ADCY9: variants seen among roughly 807,000 people sequenced by gnomAD.
The protein encoded by ADCY9 is adenylate cyclase 9, also known as adenylate cyclase type 9.
A neutral mutation model predicts 101.5 loss-of-function variants in ADCY9; 50 were observed. The ratio of observed to expected loss-of-function variants is 0.49; its 90% CI spans 0.39 to 0.62. The LOEUF (loss-of-function observed/expected upper bound fraction) is 0.62. Among genes scored for constraint, ADCY9 ranks in the 20% least tolerant of loss-of-function variants. The pLI is 0.00. For missense variants in ADCY9, 1,662 were observed against 1,800.4 expected, an observed-to-expected ratio of 0.92 and a Z score of 1.39; for synonymous variants, 905 against 769.3, an observed-to-expected ratio of 1.18 and a Z score of -2.92.
At chr16:4,069,746 G>C (rs988558053) in intron 2 of ADCY9, among the ~76,000 whole-genome samples, 1 of 152,130 alleles carries the variant, frequency 6.6e-6, no homozygotes, top group Non-Finnish European at 1.5e-5. Flanking sequence ...TAGAAGAAGT[G>C]AACCAGCAAC....
chr16:4,115,397 C>T lies in ADCY9; in HGVS notation c.46G>A (p.Glu16Lys). Reference sequence around the variant, plus strand: ...TCCCCGCTGGAGTCGCAGCTCACCTCGGTGCTGTGGTGATGCAGCAGCTGC... The same window carrying T: ...TCCCCGCTGGAGTCGCAGCTCACCTTGGTGCTGTGGTGATGCAGCAGCTGC... ...HQQLLHHHST[E>K]VSCDSSGDSN... The change falls in exon 2 of 11, where the codon GAG (glutamate) becomes AAG (lysine). Residue 16 changes from glutamate to lysine, a missense_variant. Coordinates refer to ENST00000294016, the MANE Select transcript of ADCY9 (RefSeq NM_001116.4). The surrounding 1 kb of genome is among the most constrained non-coding windows in gnomAD (Gnocchi z 6.2). The T allele has an allele frequency of 6.3e-7, 1 of 1,590,096 alleles. No individual in the cohort carries two copies. The highest frequency in any genetic ancestry group is 8.6e-7 in the Non-Finnish European group (1 of 1,169,244).
rs144464713 is a variant in ADCY9, at chr16:3,965,905, G to A, written c.3932C>T (p.Pro1311Leu). 278 of 1,614,108 alleles carry A rather than the reference G, an allele frequency of 1.7e-4. 4 individuals carry two copies. The South Asian group carries it at 2.6e-3, about 15-fold the overall frequency. ...TTCGGCTTTGACGGGCTCCTTCCAC[G>A]GTCTCTTGGGGGACAGGTGGGCATC... Reference protein sequence around the residue: ...AKDAHLSPKRPWKEPVKAEER... With the variant: ...AKDAHLSPKRLWKEPVKAEER... The change falls in exon 11 of 11, where the codon CCG becomes CTG. Residue 1311 changes from proline to leucine, a missense_variant. By Grantham distance (98) the Pro-to-Leu change is moderately conservative. Around this residue, in one of 5 missense-constraint regions of ADCY9, gnomAD observed 168 missense variants for 155.3 expected, o/e 1.08. Coordinates refer to ENST00000294016, the MANE Select transcript of ADCY9 (RefSeq NM_001116.4).
chr16:3,965,796 G>A lies in ADCY9; in HGVS notation c.4041C>T (p.Leu1347=). The A allele has an allele frequency of 6.2e-7, 1 of 1,613,300 alleles. No homozygotes were observed. ...GIEEANELTK[L]NVSKSV ...CGCCTCACACACTCTTTGAAACGTT[G>A]AGCTTGGTGAGTTCGTTGGCTTCTT... is the stretch of plus-strand genomic sequence containing the variant. The change falls in exon 11 of 11, where the codon CTC becomes CTT. Residue 1347 remains leucine, a synonymous_variant. Transcript: ENST00000294016.
chr16:3,955,751 A>G (rs572564500), intron 5 of ADCY9, among the ~76,000 whole-genome samples: 173 of 152,170 alleles, frequency 1.1e-3, no homozygotes, highest in Non-Finnish European at 1.7e-3. Flanking sequence ...GGGTTTCACC[A>G]TATTGGCCAG....
chr16:3,984,483 G>A (rs2056173500), intron 6 of ADCY9, among the ~76,000 whole-genome samples: 1 of 152,172 alleles, frequency 6.6e-6, no homozygotes, highest in Non-Finnish European at 1.5e-5. Context: ...CTGGGGAGGT[G>A]CGATCTCCAT....
At chr16:4,097,791 C>T (rs2057017962) in intron 2 of ADCY9, among the ~76,000 whole-genome samples, 1 of 151,730 alleles carries the variant, frequency 6.6e-6, no homozygotes, top group South Asian at 2.1e-4. Context: ...AGCTGATCTG[C>T]CTGCCTTGGC....
intron 7 of ADCY9, 34 bp from the exon 8 acceptor site, chr16:3,979,309 G>C: frequency 6.2e-7 from 1 of 1,609,322 alleles, no homozygotes; most frequent in Non-Finnish European, 8.5e-7. Flanking sequence ...AGGAGCGACG[G>C]GGCCCGGGGT....
chr16:3,984,927 G>A (rs12449284), intron 6 of ADCY9, among the ~76,000 whole-genome samples: 3 of 152,032 alleles, frequency 2.0e-5, no homozygotes, highest in African/African-American at 7.3e-5. Context: ...GGGAGGGCAG[G>A]AGGGGCACTT....
At chr16:4,087,409 G>A (rs913856693) in intron 2 of ADCY9, among the ~76,000 whole-genome samples, 2 of 151,786 alleles carry the variant, frequency 1.3e-5, no homozygotes, top group Admixed American at 6.6e-5. Context: ...GGTGGCACAT[G>A]CCTGTAATCC....
chr16:4,104,647 A>G (rs1323507387), intron 2 of ADCY9, among the ~76,000 whole-genome samples: 1 of 152,238 alleles, frequency 6.6e-6, no homozygotes, highest in East Asian at 1.9e-4. Context: ...CACTTGTTGA[A>G]TGTTTCTACA....
At chr16:4,012,848 C>T (rs896528404) in intron 2 of ADCY9, among the ~76,000 whole-genome samples, 2 of 152,110 alleles carry the variant, frequency 1.3e-5, no homozygotes, top group African/African-American at 2.4e-5. Context: ...GAGTGATGGG[C>T]GAGGCCCATT....
downstream of ADCY9, among the ~76,000 whole-genome samples, chr16:3,961,797 G>A (rs2055940386): frequency 1.3e-5 from 2 of 152,054 alleles, no homozygotes; most frequent in South Asian, 4.1e-4. Flanking sequence ...AGGCTGAGGC[G>A]CACGGATCAC....
chr16:4,079,602 G>A (rs2056889216), intron 2 of ADCY9, among the ~76,000 whole-genome samples: 1 of 151,956 alleles, frequency 6.6e-6, no homozygotes, highest in South Asian at 2.1e-4. Flanking sequence ...AAACAAAGAT[G>A]TACATACAGA....
At chr16:4,047,898 T>C (rs1176675842) in intron 2 of ADCY9, among the ~76,000 whole-genome samples, 2 of 152,226 alleles carry the variant, frequency 1.3e-5, no homozygotes, top group East Asian at 1.9e-4. Context: ...TAACTTGCCC[T>C]GAACCCTCCC....
chr16:3,982,501 T>A (rs2056152381), intron 7 of ADCY9: 1 of 152,260 alleles, frequency 6.6e-6, no homozygotes, highest in African/African-American at 2.4e-5. Context: ...TGCTCAGGAA[T>A]ACAGAGCCGC....
rs566081124 is a variant in ADCY9 at position 4,012,908 on chromosome 16, T to G, written c.1694-5350A>C. Among the ~76,000 whole-genome samples the G allele has an allele frequency of 3.9e-5, 6 of 152,210 alleles. No homozygotes were observed. The East Asian group carries it at 1.2e-3, about 29-fold the overall frequency. On this transcript the variant is annotated intron_variant, in intron 2 of 10. Transcript: ENST00000294016. ...TTTCTGTGGGATTCTTGCCTTGGAC[T>G]GAGATACCCTCAGCCACCAAGAATC...
At chr16:4,090,579 T>A (rs1014155085) in intron 2 of ADCY9, among the ~76,000 whole-genome samples, 3 of 151,772 alleles carry the variant, frequency 2.0e-5, no homozygotes, top group African/African-American at 7.3e-5. Context: ...GCAGGCAGAG[T>A]CCTGGCTGGG....
intron 2 of ADCY9, among the ~76,000 whole-genome samples, chr16:4,013,712 A>T (rs1232756280): frequency 2.0e-5 from 3 of 152,262 alleles, no homozygotes; most frequent in African/African-American, 7.2e-5. Flanking sequence ...ACTAAACTGT[A>T]ATCAGCCAAT....
downstream of ADCY9, among the ~76,000 whole-genome samples, chr16:3,959,174 A>G (rs754534222): frequency 3.9e-5 from 6 of 152,090 alleles, no homozygotes; most frequent in Non-Finnish European, 8.8e-5. Flanking sequence ...CAGCCTGAGC[A>G]ACATGGTGAA....
Sources: allele counts gnomAD v4.1 joint callset (sites outside exome capture counted in the v4.1 genomes callset), GRCh38; gene constraint gnomAD v4.1.1; regional missense constraint gnomAD v4.1.1; non-coding constraint Gnocchi (gnomAD v3.1); transcripts MANE v1.5; gene names NCBI Gene and HGNC (gene_info 2026-07-23, HGNC 2026-07-21).